LINGO2: variants seen among roughly 807,000 people sequenced by gnomAD.
The protein encoded by LINGO2 is leucine rich repeat and Ig domain containing 2, also known as leucine-rich repeat and immunoglobulin-like domain-containing nogo receptor-interacting protein 2.
In LINGO2, 14 loss-of-function variants were observed where a neutral mutation model predicts 30.6. The observed-to-expected ratio is 0.46, with a 90% CI of 0.30 to 0.72. The LOEUF (loss-of-function observed/expected upper bound fraction) is 0.72. Ranked by LOEUF, LINGO2 falls within the 30% of genes least tolerant of loss-of-function variation. The probability of loss-of-function intolerance (pLI) is 0.07; values close to 1 mark genes in which losing one functional copy is unlikely to be tolerated. For missense variants in LINGO2, 729 were observed against 751.7 expected (o/e 0.97, Z 0.35); for synonymous variants, 317 against 288.5 (o/e 1.10, Z -1.00).
At chr9:28,035,096 A>G (rs1823867959) in intron 4 of LINGO2, among the ~76,000 whole-genome samples, 1 of 152,216 alleles carries the variant, frequency 6.6e-6, no homozygotes, top group African/African-American at 2.4e-5. Context: ...AAAACCAAAA[A>G]TTATGCATTA....
intron 3 of LINGO2, among the ~76,000 whole-genome samples, chr9:28,319,693 T>A (rs190500276): frequency 6.6e-6 from 1 of 152,272 alleles, no homozygotes; most frequent in East Asian, 1.9e-4. Context: ...ATTGGTTGTT[T>A]CCAGGAAATG....
intron 2 of LINGO2, among the ~76,000 whole-genome samples, chr9:28,451,132 G>A (rs1249594260): frequency 1.3e-5 from 2 of 151,720 alleles, no homozygotes; most frequent in Admixed American, 6.6e-5. Context: ...CTAACCAATA[G>A]GATCAATTAT....
chr9:28,021,734 T>C (rs1207202002), intron 4 of LINGO2, among the ~76,000 whole-genome samples: 1 of 152,162 alleles, frequency 6.6e-6, no homozygotes, highest in Non-Finnish European at 1.5e-5. Flanking sequence ...ATTTATATAA[T>C]GCTCTTTATC....
chr9:29,175,874 T>A, the LINGO2 span, among the ~76,000 whole-genome samples: 1 of 152,178 alleles, frequency 6.6e-6, no homozygotes, highest in Non-Finnish European at 1.5e-5. Flanking sequence ...AATTCTTTTA[T>A]CACAGCATGC....
At chr9:28,429,348 G>C (rs1404118753) in intron 2 of LINGO2, among the ~76,000 whole-genome samples, 3 of 152,044 alleles carry the variant, frequency 2.0e-5, no homozygotes, top group Non-Finnish European at 4.4e-5. Flanking sequence ...TAATAACAAA[G>C]CCCTTTTTTC....
intron 3 of LINGO2, among the ~76,000 whole-genome samples, chr9:28,357,315 G>GCCCCCC (rs747187754): frequency 3.2e-4 from 21 of 66,066 alleles, no homozygotes; most frequent in East Asian, 8.1e-4. Flanking sequence ...CAGAAATAAA[G>GCCCCCC]CCCACCCCCC....
At chr9:29,096,790 A>G in the LINGO2 span, among the ~76,000 whole-genome samples, 1 of 140,314 alleles carries the variant, frequency 7.1e-6, no homozygotes, top group Non-Finnish European at 1.6e-5. Flanking sequence ...GAGTACATGT[A>G]GGAAATACTG....
intron 3 of LINGO2, among the ~76,000 whole-genome samples, chr9:28,327,256 T>A (rs1481201990): frequency 6.6e-6 from 1 of 152,150 alleles, no homozygotes; most frequent in Non-Finnish European, 1.5e-5. Context: ...GATTACCCAG[T>A]CTAAGGTATT....
intron 4 of LINGO2, among the ~76,000 whole-genome samples, chr9:28,244,181 C>A (rs1821913688): frequency 6.6e-6 from 1 of 152,136 alleles, no homozygotes; most frequent in African/African-American, 2.4e-5. Context: ...TCACTGAAAA[C>A]CACACAATTA....
chr9:28,996,104 T>C, the LINGO2 span, among the ~76,000 whole-genome samples: 83 of 138,492 alleles, frequency 6.0e-4, 1 homozygote, highest in African/African-American at 2.4e-3. Context: ...TGAATGAAGA[T>C]TTATATATTG....
intron 5 of LINGO2, among the ~76,000 whole-genome samples, chr9:27,951,118 G>A (rs557619424): frequency 2.0e-5 from 3 of 152,098 alleles, no homozygotes; most frequent in Non-Finnish European, 2.9e-5. Flanking sequence ...AATCAGTGTC[G>A]GCATCACTAA....
intron 4 of LINGO2, among the ~76,000 whole-genome samples, chr9:28,098,419 A>G (rs1826312560): frequency 6.6e-6 from 1 of 152,192 alleles, no homozygotes; most frequent in African/African-American, 2.4e-5. Flanking sequence ...TAAATCTATA[A>G]CATGTCATAT....
intron 5 of LINGO2, among the ~76,000 whole-genome samples, chr9:27,957,533 C>A (rs540273718): frequency 6.6e-6 from 1 of 152,260 alleles, no homozygotes; most frequent in African/African-American, 2.4e-5. Flanking sequence ...ACCTTGTGAT[C>A]TGCCCACCTT....
At chr9:29,012,357 CAA>C in the LINGO2 span, among the ~76,000 whole-genome samples, 2 of 147,018 alleles carry the variant, frequency 1.4e-5, no homozygotes, top group Non-Finnish European at 1.5e-5. Context: ...GATTCCATCT[CAA>C]AAAAAAAAAT....
chr9:28,534,915 T>C (rs764134720), intron 1 of LINGO2, among the ~76,000 whole-genome samples: 1 of 152,146 alleles, frequency 6.6e-6, no homozygotes, highest in Non-Finnish European at 1.5e-5. Context: ...ATCAATCAAG[T>C]AAAATAAGAA....
the LINGO2 span, among the ~76,000 whole-genome samples, chr9:28,834,653 T>C: frequency 2.0e-5 from 3 of 152,216 alleles, no homozygotes; most frequent in Admixed American, 6.5e-5. Context: ...TTTGGTATTC[T>C]CCTGCCTTCC....
the LINGO2 span, among the ~76,000 whole-genome samples, chr9:28,814,626 G>A: frequency 5.3e-5 from 8 of 152,228 alleles, no homozygotes; most frequent in African/African-American, 1.7e-4. Flanking sequence ...GGTGGCTCAC[G>A]CCTGTAATCC....
chr9:28,061,018 G>A (rs116025519), intron 4 of LINGO2, among the ~76,000 whole-genome samples: 1 of 151,896 alleles, frequency 6.6e-6, no homozygotes, highest in South Asian at 2.1e-4. Flanking sequence ...AGTTAGGGAA[G>A]AATCCACAGT....
intron 3 of LINGO2, among the ~76,000 whole-genome samples, chr9:28,359,349 A>G (rs1370728995): frequency 6.6e-6 from 1 of 152,100 alleles, no homozygotes; most frequent in Non-Finnish European, 1.5e-5. Context: ...TCTATACAGC[A>G]TAATTTCTGG....
Sources: allele counts gnomAD v4.1 joint callset (sites outside exome capture counted in the v4.1 genomes callset), GRCh38; gene constraint gnomAD v4.1.1; transcripts MANE v1.5; gene names NCBI Gene and HGNC (gene_info 2026-07-23, HGNC 2026-07-21).